SLIT3: variants seen among roughly 807,000 people sequenced by gnomAD.
SLIT3 encodes the protein slit guidance ligand 3.
SLIT3 carries 68 observed loss-of-function variants against 184.0 expected under a neutral mutation model. That is an observed-to-expected ratio of 0.37 (90% CI 0.30 to 0.45). The LOEUF (loss-of-function observed/expected upper bound fraction) is 0.45, where lower values mean the gene tolerates loss of function less well. Among genes scored for constraint, SLIT3 ranks in the 20% least tolerant of loss-of-function variants. The probability of loss-of-function intolerance (pLI) is 1.00; values close to 1 mark genes in which losing one functional copy is unlikely to be tolerated. For synonymous variants in SLIT3, 831 were observed against 828.6 expected (o/e 1.00, Z -0.05); for missense variants, 1,707 against 2,026.0 (o/e 0.84, Z 3.02).
intron 3 of SLIT3, among the ~76,000 whole-genome samples, chr5:169,240,751 T>G (rs79773610): frequency 0.039 from 5,977 of 151,778 alleles, 388 homozygotes; most frequent in African/African-American, 0.14. Context: ...CATGTTTAAA[T>G]GTATCATCTT....
At chr5:169,193,717 G>A (rs528065260) in intron 3 of SLIT3, among the ~76,000 whole-genome samples, 167 bp from the exon 4 acceptor site, 7 of 152,248 alleles carry the variant, frequency 4.6e-5, no homozygotes, top group African/African-American at 1.7e-4. Context: ...CCCTGTTGGC[G>A]GGGCTTAGAG....
At position 169,300,642 on chromosome 5, in the gene SLIT3, G is replaced by T; in HGVS notation, c.68C>A (p.Ala23Glu). ...GGCTGGAGGCCCACTCAGGACGCTC[G>T]CCAGCGCCAAGGCCAGCGCCAGGCG... The part of the protein sequence containing the change: ...RARLALALAL[A>E]SVLSGPPAVA... Residue 23 changes from alanine (A) to glutamate (E), a missense_variant, in exon 1 of 36, where the codon GCG becomes GAG. By Grantham distance (107) the Ala-to-Glu change is moderately radical. Transcript: ENST00000519560. This position sits in a 1 kb window ranked among gnomAD's most constrained non-coding sequence, Gnocchi z 4.1. The T allele has an allele frequency of 6.8e-7, 1 of 1,480,208 alleles. No homozygotes were observed. The highest frequency in any genetic ancestry group is 8.9e-7 in the Non-Finnish European group (1 of 1,121,094). The allele number at this position is 1,480,208 out of a possible 1,614,324, so 91.7% of individuals were successfully genotyped here.
At chr5:168,875,620 G>T (rs551759384) in intron 5 of SLIT3, among the ~76,000 whole-genome samples, 2 of 151,032 alleles carry the variant, frequency 1.3e-5, no homozygotes, top group East Asian at 3.9e-4. Flanking sequence ...GGCAACAAGA[G>T]CAAAACTCCG....
intron 4 of SLIT3, among the ~76,000 whole-genome samples, chr5:169,005,751 C>A (rs1045166041): frequency 2.0e-4 from 30 of 152,338 alleles, no homozygotes; most frequent in African/African-American, 7.2e-4. Context: ...CAGCAGCAAG[C>A]AGGGCAGACA....
chr5:168,897,893 ACAC>A (rs1249213522), intron 4 of SLIT3, among the ~76,000 whole-genome samples: 1 of 119,006 alleles, frequency 8.4e-6, no homozygotes, highest in African/African-American at 2.7e-5. Context: ...GTCCTCTGAG[ACAC>A]CCCCCCACCT....
At chr5:168,763,719 A>T (rs1755238254) in intron 14 of SLIT3, among the ~76,000 whole-genome samples, 1 of 152,174 alleles carries the variant, frequency 6.6e-6, no homozygotes, top group South Asian at 2.1e-4. Flanking sequence ...GTTGGAACTG[A>T]AGGAGCTCTG....
intron 8 of SLIT3, among the ~76,000 whole-genome samples, chr5:168,809,554 C>A (rs2113639487): frequency 6.6e-6 from 1 of 152,274 alleles, no homozygotes; most frequent in Non-Finnish European, 1.5e-5. Context: ...ATGGACCAAG[C>A]CCATTCCCTG....
intron 1 of SLIT3, among the ~76,000 whole-genome samples, chr5:169,287,188 C>A (rs1767177564): frequency 1.3e-5 from 2 of 152,172 alleles, no homozygotes; most frequent in Admixed American, 6.5e-5. Flanking sequence ...AACTGGCCTT[C>A]CCATTTTTGG....
intron 4 of SLIT3, among the ~76,000 whole-genome samples, chr5:169,071,824 C>A (rs1020670820): frequency 2.0e-5 from 3 of 151,974 alleles, no homozygotes; most frequent in Non-Finnish European, 2.9e-5. Flanking sequence ...ATTCCTTGTG[C>A]GAGTGGTTAG....
chr5:168,767,769 C>T (rs1031005047), intron 14 of SLIT3, among the ~76,000 whole-genome samples: 6 of 152,180 alleles, frequency 3.9e-5, no homozygotes, highest in African/African-American at 1.2e-4. Context: ...TTAGCTGCCA[C>T]TTGGAAAAAT....
intron 4 of SLIT3, among the ~76,000 whole-genome samples, chr5:169,109,015 T>C (rs1760318094): frequency 6.6e-6 from 1 of 152,214 alleles, no homozygotes; most frequent in African/African-American, 2.4e-5. Flanking sequence ...GCCCCCCACT[T>C]GAGTGTGGGT....
intron 4 of SLIT3, among the ~76,000 whole-genome samples, chr5:168,965,058 G>A (rs1295056580): frequency 2.0e-5 from 3 of 152,154 alleles, no homozygotes; most frequent in African/African-American, 4.8e-5. Flanking sequence ...CTTAAATGGT[G>A]CACCCTGGGC....
intron 4 of SLIT3, chr5:169,036,112 A>AGG (rs1238480846): frequency 1.3e-5 from 2 of 152,230 alleles, no homozygotes; most frequent in African/African-American, 4.8e-5. Flanking sequence ...TTGCAAAAAT[A>AGG]AACCCATCTG....
intron 4 of SLIT3, among the ~76,000 whole-genome samples, chr5:169,157,874 TA>T (rs1417949808): frequency 6.8e-6 from 1 of 147,710 alleles, no homozygotes; most frequent in East Asian, 2.0e-4. Flanking sequence ...ATAGCCAAAA[TA>T]AAAAATTCAA....
At chr5:169,203,713 T>C in intron 3 of SLIT3, among the ~76,000 whole-genome samples, 1 of 152,144 alleles carries the variant, frequency 6.6e-6, no homozygotes, top group East Asian at 1.9e-4. Flanking sequence ...TCAAATTCTA[T>C]AAATAATTTG....
At chr5:168,904,967 G>A (rs1760996581) in intron 4 of SLIT3, among the ~76,000 whole-genome samples, 1 of 152,102 alleles carries the variant, frequency 6.6e-6, no homozygotes, top group Non-Finnish European at 1.5e-5. Context: ...AGGAGTTTGA[G>A]ACCAGCCTGG....
chr5:169,226,672 T>C (rs1764822123), intron 3 of SLIT3, among the ~76,000 whole-genome samples: 1 of 152,158 alleles, frequency 6.6e-6, no homozygotes, highest in Non-Finnish European at 1.5e-5. Flanking sequence ...GCATTATTCA[T>C]GCATTCTAGG....
At chr5:169,264,143 A>T (rs567820691) in intron 1 of SLIT3, among the ~76,000 whole-genome samples, 1 of 152,170 alleles carries the variant, frequency 6.6e-6, no homozygotes, top group African/African-American at 2.4e-5. Context: ...AGTTTAAGCC[A>T]TTCAAGACTC....
At position 168,990,362 on chromosome 5, in the gene SLIT3, A is replaced by G. The variant is rs998517489; in HGVS notation, c.414-107026T>C. ...ACCTTTACAGAAAGCCTTTGTTTGA[A>G]TGCTAAACGTTTGTTTGTTTGAAGT... On this transcript the variant is annotated intron_variant, in intron 4 of 35. Coordinates refer to ENST00000519560, the MANE Select transcript of SLIT3 (RefSeq NM_003062.4). Among the ~76,000 whole-genome samples the G allele has an allele frequency of 2.0e-5, 3 of 152,290 alleles. No individual in the cohort carries two copies. In the South Asian group the frequency reaches 6.2e-4, roughly 32 times the overall value.
Sources: gnomAD v4.1 joint callset for allele counts (sites outside exome capture counted in the v4.1 genomes callset) on GRCh38, gnomAD v4.1.1 for gene constraint, Gnocchi (gnomAD v3.1) non-coding constraint, MANE v1.5 for transcripts, NCBI Gene and HGNC (gene_info 2026-07-23, HGNC 2026-07-21) for gene names.